The following ACACB variants were observed in gnomAD, a reference collection of about 807,000 sequenced individuals.
The protein encoded by ACACB is acetyl-CoA carboxylase beta.
ACACB carries 209 observed loss-of-function variants against 278.8 expected under a neutral mutation model. The observed-to-expected ratio is 0.75, with a 90% CI of 0.67 to 0.84. ACACB has a LOEUF of 0.84. Among genes scored for constraint, ACACB ranks in the 40% least tolerant of loss-of-function variants. The probability of loss-of-function intolerance (pLI) is 0.00; values close to 1 mark genes in which losing one functional copy is unlikely to be tolerated. For missense variants in ACACB, 2,850 were observed against 3,269.0 expected, an observed-to-expected ratio of 0.87 and a Z score of 3.13; for synonymous variants, 1,174 against 1,285.6, an observed-to-expected ratio of 0.91 and a Z score of 1.86.
At chr12:109,257,279 TAAATA>T (rs960049716) in intron 45 of ACACB, among the ~76,000 whole-genome samples, 2 of 145,442 alleles carry the variant, frequency 1.4e-5, no homozygotes, top group African/African-American at 2.5e-5. Context: ...ATCTTCAAAA[TAAATA>T]AAATAAAATA....
In ACACB at chr12:109,226,014, T is replaced by A. The variant is rs554758330; in HGVS notation, c.3883-1357T>A. Among the ~76,000 whole-genome samples, 25 of 152,256 alleles carry A rather than the reference T, an allele frequency of 1.6e-4. No homozygotes were observed. The East Asian group carries it at 4.8e-3, about 29-fold the overall frequency. ...CAGGTGAGGTGGCTCATGCCTGTAA[T>A]CCCAGCTCTTTAGGAGGCTGAGGTG... is the stretch of plus-strand genomic sequence containing the variant. On this transcript the variant is annotated intron_variant, in intron 27 of 52. Coordinates refer to ENST00000338432, the MANE Select transcript of ACACB (RefSeq NM_001093.4).
intron 19 of ACACB, among the ~76,000 whole-genome samples, chr12:109,204,262 A>G (rs927681163): frequency 1.4e-5 from 2 of 145,706 alleles, no homozygotes; most frequent in Middle Eastern, 3.2e-3. Context: ...TGTGCTATCA[A>G]TACTATATCT....
chr12:109,258,858 T>G (rs911199850), intron 46 of ACACB, 115 bp from the exon 47 acceptor site: 6 of 1,348,046 alleles, frequency 4.5e-6, no homozygotes, highest in Non-Finnish European at 6.1e-6. Context: ...GCTCTGGTGC[T>G]GGGGCCAGCA....
chr12:109,242,129 G>C, intron 36 of ACACB: 1 of 288,498 alleles, frequency 3.5e-6, no homozygotes, highest in Non-Finnish European at 6.5e-6. Flanking sequence ...GCACAGGACT[G>C]TTCGCACCAA....
chr12:109,247,739 C>T (rs761462546), intron 40 of ACACB, 36 bp downstream of exon 40: 66 of 1,548,976 alleles, frequency 4.3e-5, no homozygotes, highest in Non-Finnish European at 2.2e-5. Flanking sequence ...TAATTTTGCT[C>T]ATGGTTAATT....
chr12:109,192,064 TCTC>T, intron 15 of ACACB, 114 bp downstream of exon 15: 1 of 1,055,592 alleles, frequency 9.5e-7, no homozygotes, highest in Non-Finnish European at 1.4e-6. Context: ...TTGGTGAGTC[TCTC>T]CTCCGGTCTT....
At chr12:109,185,486 C>G in intron 11 of ACACB, 93 bp from the exon 12 acceptor site, 1 of 1,379,904 alleles carries the variant, frequency 7.2e-7, no homozygotes, top group Non-Finnish European at 1.0e-6. Context: ...AAATCATTGA[C>G]TGAACCTCCG....
chr12:109,136,744 G>C (rs2042974809), intron 1 of ACACB, among the ~76,000 whole-genome samples: 1 of 152,142 alleles, frequency 6.6e-6, no homozygotes, highest in African/African-American at 2.4e-5. Context: ...AAGGTTTTCT[G>C]TGTGTGTATT....
intron 35 of ACACB, 115 bp downstream of exon 35, chr12:109,240,100 G>A (rs760297857): frequency 3.9e-5 from 48 of 1,244,206 alleles, no homozygotes; most frequent in Middle Eastern, 1.9e-4. Context: ...GAAACCATGC[G>A]TATCTGAGCC....
At chr12:109,154,809 C>T (rs2043482136) in intron 2 of ACACB, 1 of 152,868 alleles carries the variant, frequency 6.5e-6, no homozygotes, top group South Asian at 2.1e-4. Flanking sequence ...GGGTCCCGGG[C>T]CTCGGGTCGG....
rs766553301 is a variant in ACACB at position 109,188,165 on chromosome 12, C to T, written c.2144+3C>T. Reference sequence around the variant, plus strand: ...GAGAACCGGGAAGAGGCCATTTCGTCAGTATCTCCTTCCTTCCTTCCTTCC... The same window carrying T: ...GAGAACCGGGAAGAGGCCATTTCGTTAGTATCTCCTTCCTTCCTTCCTTCC... On this transcript the variant is annotated splice_donor_region_variant and intron_variant, in intron 13 of 52. Coordinates refer to ENST00000338432, the MANE Select transcript of ACACB (RefSeq NM_001093.4). 3.8e-6 allele frequency: 6 copies of T among 1,591,034 alleles called. No individual in the cohort carries two copies. The East Asian group carries it at 1.1e-4, about 30-fold the overall frequency.
Position 109,258,945 on chromosome 12 carries a change from ATCTGATCCCCGCAGC to A in ACACB, c.6361-23_6361-9del, listed in dbSNP as rs752900982. 5 of 1,612,692 alleles carry A rather than the reference ATCTGATCCCCGCAGC, an allele frequency of 3.1e-6. 1 individual carries two copies. The South Asian group carries it at 5.5e-5, about 18-fold the overall frequency. On this transcript the variant is annotated splice_polypyrimidine_tract_variant and intron_variant, in intron 46 of 52. Transcript: ENST00000338432. ...TCCTGGGTTGTGGTTGTGCAGAGAC[ATCTGATCCCCGCAGC>A]TCTGTGTTCCAGATAATTCAGCAGG...
rs1274493783 is a variant in ACACB, at chr12:109,262,342, C to T, written c.6675-15C>T. 1.2e-6 allele frequency: 2 copies of T among 1,606,104 alleles called. No homozygotes were observed. Among genetic ancestry groups the T allele is most frequent in the Non-Finnish European group, 1.7e-6 (2 of 1,173,346 alleles). On this transcript the variant is annotated splice_polypyrimidine_tract_variant and intron_variant, in intron 48 of 52. Coordinates refer to ENST00000338432, the MANE Select transcript of ACACB (RefSeq NM_001093.4). ...ATGCCTCATATACCCCCATCCCTGC[C>T]TCTTCTCTTTTAAGGGGTGGTGTTC...
chr12:109,182,208 AT>A (rs2044501087), intron 11 of ACACB, among the ~76,000 whole-genome samples: 1 of 152,136 alleles, frequency 6.6e-6, no homozygotes, highest in Non-Finnish European at 1.5e-5. Context: ...ACAATGTCTC[AT>A]TGTGGTTTTG....
At chr12:109,153,732 G>T (rs2043440325) in intron 2 of ACACB, among the ~76,000 whole-genome samples, 2 of 152,072 alleles carry the variant, frequency 1.3e-5, no homozygotes, top group Admixed American at 6.6e-5. Flanking sequence ...CCGCCATCTG[G>T]GCTCACTTCA....
intron 6 of ACACB, among the ~76,000 whole-genome samples, chr12:109,173,568 G>A (rs916079670): frequency 6.6e-6 from 1 of 152,184 alleles, no homozygotes; most frequent in Non-Finnish European, 1.5e-5. Flanking sequence ...TCTGGAGGTT[G>A]ATGATCCAGC....
intron 13 of ACACB, chr12:109,191,370 T>C (rs2044874300): frequency 2.6e-6 from 1 of 383,264 alleles, no homozygotes; most frequent in South Asian, 2.3e-5. Context: ...TCCTCCACCA[T>C]GCTGAGCTAA....
rs750941564 is a variant in ACACB at position 109,266,279 on chromosome 12, T to G, written c.7294T>G (p.Tyr2432Asp). The G allele has an allele frequency of 6.2e-7, 1 of 1,613,904 alleles. No homozygotes were observed. The highest frequency in any genetic ancestry group is 8.5e-7 in the Non-Finnish European group (1 of 1,179,966). The change falls in exon 53 of 53, where the codon TAC becomes GAC. Residue 2432 changes from tyrosine (Y) to aspartate (D), a missense_variant. Physicochemically the swap from Tyr to Asp is radical, Grantham distance 160. Around this residue, in one of 3 missense-constraint regions of ACACB, gnomAD observed 579 missense variants for 684.6 expected, o/e 0.85. Transcript: ENST00000338432. ...CGAGGTGGCCGTGGACTGTGTGATA[T>G]ACCTGAGCCAGCACATCAGCCCAGC... The part of the protein sequence containing the change: ...NPEVAVDCVI[Y>D]LSQHISPAER...
chr12:109,133,863 A>ATATATATATATAT (rs55881936), intron 1 of ACACB, among the ~76,000 whole-genome samples: 2 of 70,650 alleles, frequency 2.8e-5, no homozygotes, highest in African/African-American at 8.9e-5. Context: ...ATATATATAT[A>ATATATATATATAT]TTTTTTTTTT....
Sources: gnomAD v4.1 joint callset for allele counts (sites outside exome capture counted in the v4.1 genomes callset) on GRCh38, gnomAD v4.1.1 for gene constraint, gnomAD v4.1.1 regional missense constraint, MANE v1.5 for transcripts, NCBI Gene and HGNC (gene_info 2026-07-23, HGNC 2026-07-21) for gene names.